INPP5F: variants seen among roughly 807,000 people sequenced by gnomAD.
The protein encoded by INPP5F is phosphatidylinositide 4-phosphatase SAC2.
A neutral mutation model predicts 137.2 loss-of-function variants in INPP5F; 97 were observed. The observed-to-expected ratio is 0.71, with a 90% CI of 0.60 to 0.84. INPP5F has a LOEUF of 0.84. INPP5F is among the 40% of genes least tolerant of loss of function. The pLI, the probability that INPP5F is intolerant of heterozygous loss-of-function variation, is 0.00. For synonymous variants in INPP5F, 504 were observed against 476.9 expected (o/e 1.06, Z -0.74); for missense variants, 1,271 against 1,371.9 (o/e 0.93, Z 1.16).
intron 2 of INPP5F, among the ~76,000 whole-genome samples, chr10:119,753,229 G>A (rs961860610): frequency 2.0e-5 from 3 of 152,106 alleles, no homozygotes; most frequent in Non-Finnish European, 2.9e-5. Context: ...AAACTTTTGA[G>A]TTATTTTTCT....
chr10:119,731,437 A>G (rs1479814641), intron 1 of INPP5F, among the ~76,000 whole-genome samples: 2 of 152,020 alleles, frequency 1.3e-5, no homozygotes, highest in African/African-American at 2.4e-5. Context: ...GCCGAGGTGG[A>G]TGGATCACTT....
chr10:119,745,747 C>CAGGCTGGA (rs1848513052), intron 1 of INPP5F, among the ~76,000 whole-genome samples: 1 of 141,938 alleles, frequency 7.0e-6, no homozygotes, highest in Non-Finnish European at 1.5e-5. Context: ...CTCTGTTAGC[C>CAGGCTGGA]AGGCTGGAGT....
intron 2 of INPP5F, among the ~76,000 whole-genome samples, chr10:119,762,295 A>T (rs1849032045): frequency 6.6e-6 from 1 of 152,204 alleles, no homozygotes; most frequent in African/African-American, 2.4e-5. Flanking sequence ...TCAAAGCCCC[A>T]GAAGATTTGA....
At position 119,794,798 on chromosome 10, in the gene INPP5F, A is replaced by AC. The variant is rs1354673764; in HGVS notation, c.670-1910dup. ...GGGCGGCTGGCCGGGCGGGGGGCTG[A>AC]CCCCCCCACCTCCCTCCCTCCCAGA... On this transcript the variant is annotated intron_variant, in intron 6 of 19. Coordinates refer to ENST00000650623, the MANE Select transcript of INPP5F (RefSeq NM_014937.4). Among the ~76,000 whole-genome samples the AC allele has an allele frequency of 1.0e-4, 8 of 78,746 alleles. 1 individual carries two copies. The highest frequency in any genetic ancestry group is 7.3e-4 in the South Asian group (1 of 1,370). 51.7% of individuals were successfully genotyped at this position (78,746 alleles called of 152,430 possible).
chr10:119,823,886 GA>G lies in INPP5F; in HGVS notation c.2234del (p.Glu745GlyfsTer33). On this transcript the variant is annotated frameshift_variant, in exon 19 of 20. Transcript: ENST00000650623. LOFTEE classifies it high-confidence loss of function. Reference sequence around the variant, plus strand: ...CATGGGATCGGATTTACCCATAATTGAGAAGAAACTTGAGAGGTGAGTATAC... The same window carrying G: ...CATGGGATCGGATTTACCCATAATTGGAAGAAACTTGAGAGGTGAGTATAC... ...QAMGSDLPIIEKKLERKSSKP... is the reference protein window; with the variant it reads ...QAMGSDLPIIXKKLERKSSKP... The G allele has an allele frequency of 6.2e-7, 1 of 1,613,354 alleles. No individual in the cohort carries two copies. Among genetic ancestry groups the G allele is most frequent in the South Asian group, 1.1e-5 (1 of 91,042 alleles).
chr10:119,732,202 AT>A (rs1267627095), intron 1 of INPP5F, among the ~76,000 whole-genome samples: 1 of 151,424 alleles, frequency 6.6e-6, no homozygotes, highest in Non-Finnish European at 1.5e-5. Context: ...TGCCTGGCTA[AT>A]TTTTTGTATT....
At position 119,765,741 on chromosome 10, in the gene INPP5F, C is replaced by CTGTGTGTGTG. The variant is rs34906556; in HGVS notation, c.178+14619_178+14628dup. Among the ~76,000 whole-genome samples the CTGTGTGTGTG allele has an allele frequency of 9.7e-4, 124 of 127,694 alleles. 2 individuals are homozygous for CTGTGTGTGTG. Among genetic ancestry groups the CTGTGTGTGTG allele is most frequent in the African/African-American group, 3.2e-3 (106 of 33,222 alleles). The allele number at this position is 127,694 out of a possible 152,430, so 83.8% of individuals were successfully genotyped here. On this transcript the variant is annotated intron_variant, in intron 2 of 19. Transcript: ENST00000650623. ...AACTCCTGCATTGTTCAAGGGTAAA[C>CTGTGTGTGTG]TGTGTGTGTGTGTGTGTGTGTGTGT...
At chr10:119,803,048 T>G (rs1850646913) in intron 9 of INPP5F, among the ~76,000 whole-genome samples, 1 of 152,238 alleles carries the variant, frequency 6.6e-6, no homozygotes, top group South Asian at 2.1e-4. Flanking sequence ...TCTGTATCCT[T>G]TACCATTTTT....
intron 2 of INPP5F, among the ~76,000 whole-genome samples, chr10:119,775,186 A>G (rs1849483240): frequency 1.3e-5 from 2 of 152,120 alleles, no homozygotes; most frequent in Non-Finnish European, 2.9e-5. Flanking sequence ...AATTTTATAT[A>G]TTTGATTATA....
At chr10:119,812,668 TAAA>T (rs1851089662) in intron 15 of INPP5F, among the ~76,000 whole-genome samples, 1 of 152,166 alleles carries the variant, frequency 6.6e-6, no homozygotes, top group South Asian at 2.1e-4. Flanking sequence ...TTAAAAGGAA[TAAA>T]AAACGTTGAC....
At chr10:119,799,979 TA>T (rs1170004169) in intron 9 of INPP5F, among the ~76,000 whole-genome samples, 1 of 151,974 alleles carries the variant, frequency 6.6e-6, no homozygotes, top group African/African-American at 2.4e-5. Context: ...AAAAACACTC[TA>T]ATGAAAAAAA....
intron 9 of INPP5F, among the ~76,000 whole-genome samples, chr10:119,800,715 A>G (rs1212716628): frequency 1.3e-5 from 2 of 152,062 alleles, no homozygotes; most frequent in African/African-American, 4.8e-5. Flanking sequence ...TAAAGCCGCT[A>G]CTCAACACAC....
intron 2 of INPP5F, among the ~76,000 whole-genome samples, chr10:119,754,372 G>C (rs1458604995): frequency 1.3e-5 from 2 of 151,952 alleles, no homozygotes; most frequent in Non-Finnish European, 2.9e-5. Flanking sequence ...AGGCGGTGAA[G>C]GTATGGTCAT....
intron 2 of INPP5F, among the ~76,000 whole-genome samples, chr10:119,766,610 A>G (rs1174155289): frequency 2.0e-5 from 3 of 152,224 alleles, no homozygotes; most frequent in Non-Finnish European, 4.4e-5. Flanking sequence ...AGGATATCCT[A>G]AAAGCAGCCA....
chr10:119,739,760 G>T (rs1017378603), intron 1 of INPP5F, among the ~76,000 whole-genome samples: 2 of 152,096 alleles, frequency 1.3e-5, no homozygotes, highest in Non-Finnish European at 2.9e-5. Context: ...CTTCTAGGTG[G>T]CTGGAACTAC....
chr10:119,770,830 T>C (rs1849311659), intron 2 of INPP5F, among the ~76,000 whole-genome samples: 1 of 152,192 alleles, frequency 6.6e-6, no homozygotes, highest in Non-Finnish European at 1.5e-5. Flanking sequence ...CTAACCTCCA[T>C]TTTTGGCAGA....
chr10:119,755,439 A>G (rs548140783), intron 2 of INPP5F, among the ~76,000 whole-genome samples: 2 of 152,324 alleles, frequency 1.3e-5, no homozygotes, highest in Admixed American at 6.5e-5. Flanking sequence ...GGCCCACTCA[A>G]ATAAACTCAC....
intron 2 of INPP5F, among the ~76,000 whole-genome samples, chr10:119,757,715 C>T (rs976120733): frequency 9.9e-5 from 15 of 151,962 alleles, no homozygotes; most frequent in Admixed American, 6.6e-5. Context: ...TGCTTGAACC[C>T]GGGAGGTGGA....
intron 15 of INPP5F, chr10:119,816,568 C>G (rs1434369603): frequency 1.3e-5 from 2 of 152,256 alleles, no homozygotes; most frequent in Admixed American, 6.5e-5. Context: ...GTGCTCTGTT[C>G]CCCTTTCTCT....
Sources: gnomAD v4.1 joint callset for allele counts (sites outside exome capture counted in the v4.1 genomes callset) on GRCh38, gnomAD v4.1.1 for gene constraint, MANE v1.5 for transcripts, NCBI Gene and HGNC (gene_info 2026-07-23, HGNC 2026-07-21) for gene names.